The following FAM162A variants were observed in gnomAD, a reference collection of about 807,000 sequenced individuals.
FAM162A encodes the protein protein FAM162A.
FAM162A carries 23 observed loss-of-function variants against 21.8 expected under a neutral mutation model. That is an observed-to-expected ratio of 1.05 (90% CI 0.76 to 1.49). FAM162A has a LOEUF of 1.49. Among genes scored for constraint, FAM162A ranks in the 40% most tolerant of loss-of-function variants. The probability of loss-of-function intolerance (pLI) is 0.00; values close to 1 mark genes in which losing one functional copy is unlikely to be tolerated. For missense variants in FAM162A, 165 were observed against 186.4 expected, an observed-to-expected ratio of 0.89 and a Z score of 0.67; for synonymous variants, 53 against 61.3, an observed-to-expected ratio of 0.86 and a Z score of 0.64.
chr3:122,384,800 A>G (rs1392093133), intron 1 of FAM162A, among the ~76,000 whole-genome samples: 1 of 152,190 alleles, frequency 6.6e-6, no homozygotes, highest in Non-Finnish European at 1.5e-5. Context: ...GGTCTTAGAG[A>G]TTAATAATAA....
intron 1 of FAM162A, among the ~76,000 whole-genome samples, chr3:122,386,509 G>A (rs1005452055): frequency 1.4e-5 from 2 of 147,630 alleles, no homozygotes; most frequent in African/African-American, 5.0e-5. Flanking sequence ...GCTATAATAC[G>A]ATCATGCTAC....
chr3:122,405,920 G>A (rs1213161023), intron 3 of FAM162A, among the ~76,000 whole-genome samples: 5 of 151,990 alleles, frequency 3.3e-5, no homozygotes, highest in African/African-American at 1.2e-4. Flanking sequence ...AGTTGTCTTG[G>A]GTTCCTGCCA....
chr3:122,396,556 C>T (rs896432895), intron 1 of FAM162A, among the ~76,000 whole-genome samples: 1 of 152,086 alleles, frequency 6.6e-6, no homozygotes, highest in Non-Finnish European at 1.5e-5. Flanking sequence ...AATGTTACAG[C>T]CACTTGGAAA....
chr3:122,407,415 A>C (rs751970794), intron 4 of FAM162A, 26 bp downstream of exon 4: 15 of 1,547,342 alleles, frequency 9.7e-6, no homozygotes, highest in Middle Eastern at 1.7e-4. Flanking sequence ...TTCTCTATCC[A>C]GTATGTATGT....
At chr3:122,389,102 G>T (rs2075587757) in intron 1 of FAM162A, among the ~76,000 whole-genome samples, 1 of 152,100 alleles carries the variant, frequency 6.6e-6, no homozygotes, top group African/African-American at 2.4e-5. Flanking sequence ...AATGTTGGTA[G>T]AGTAATTTTA....
chr3:122,384,383 C>T (rs533913960), intron 1 of FAM162A, 84 bp downstream of exon 1: 1,105 of 1,463,644 alleles, frequency 7.5e-4, no homozygotes, highest in Non-Finnish European at 9.7e-4. Flanking sequence ...TCCTGGGCCC[C>T]GGAGTGGCTC....
At chr3:122,393,345 G>A (rs2075612469) in intron 1 of FAM162A, among the ~76,000 whole-genome samples, 1 of 136,310 alleles carries the variant, frequency 7.3e-6, no homozygotes, top group Admixed American at 7.1e-5. Flanking sequence ...AATCTGAGGA[G>A]CATTTATCCA....
At chr3:122,401,302 T>C (rs369013545) in intron 1 of FAM162A, 1 of 654,524 alleles carries the variant, frequency 1.5e-6, no homozygotes, top group African/African-American at 2.0e-5. Flanking sequence ...TCTTATTTTG[T>C]GTGCTTTTGT....
intron 1 of FAM162A, among the ~76,000 whole-genome samples, chr3:122,399,539 A>G (rs2075643843): frequency 6.6e-6 from 1 of 152,144 alleles, no homozygotes; most frequent in South Asian, 2.1e-4. Context: ...ATTGATGGAC[A>G]TTTAGGTTGA....
chr3:122,400,485 T>C (rs1003570236), intron 1 of FAM162A, among the ~76,000 whole-genome samples: 1 of 152,146 alleles, frequency 6.6e-6, no homozygotes, highest in African/African-American at 2.4e-5. Flanking sequence ...CAAACCTGCA[T>C]GTTCTGCACA....
rs1007302303 is a variant in FAM162A at position 122,411,781 on chromosome 3, C to G, written c.*1950C>G. ...TGTTGGCCAGGCTGGTCTCAAACTC[C>G]TGACCTCAGGTGATCAGCCTCCCTC... On this transcript the variant is annotated 3_prime_UTR_variant, in exon 5 of 5. Transcript: ENST00000477892. The G allele has an allele frequency of 2.0e-5, 3 of 152,216 alleles. No homozygotes were observed. The highest frequency in any genetic ancestry group is 7.2e-5 in the African/African-American group (3 of 41,448). The allele number at this position is 152,216 out of a possible 1,614,324, so 9.4% of individuals were successfully genotyped here.
At chr3:122,403,218 G>A (rs888922777) in intron 2 of FAM162A, among the ~76,000 whole-genome samples, 4 of 149,824 alleles carry the variant, frequency 2.7e-5, no homozygotes, top group East Asian at 2.0e-4. Context: ...ATCTTCCTAC[G>A]TCACACTTCT....
chr3:122,385,909 A>T (rs1313695274), intron 1 of FAM162A, among the ~76,000 whole-genome samples: 2 of 152,220 alleles, frequency 1.3e-5, no homozygotes, highest in Non-Finnish European at 2.9e-5. Flanking sequence ...TGGATTTCTC[A>T]TAGCAGCCCT....
chr3:122,411,321 G>A lies in FAM162A; in HGVS notation c.*1490G>A, dbSNP rs1038800012. ...TTAATTTGGCCTTAGCTTCTTTGTA[G>A]GTATCAAGTTATCACTTGCAAATTT... On this transcript the variant is annotated 3_prime_UTR_variant, in exon 5 of 5. Transcript: ENST00000477892. 2 of 152,244 alleles carry A rather than the reference G, an allele frequency of 1.3e-5. No individual in the cohort carries two copies. Among genetic ancestry groups the A allele is most frequent in the African/African-American group, 4.8e-5 (2 of 41,534 alleles). The allele number at this position is 152,244 out of a possible 1,614,324, so 9.4% of individuals were successfully genotyped here.
chr3:122,398,057 GAAC>G (rs1214457015), intron 1 of FAM162A, among the ~76,000 whole-genome samples: 1 of 151,910 alleles, frequency 6.6e-6, no homozygotes, highest in Non-Finnish European at 1.5e-5. Flanking sequence ...GGATTAAAAG[GAAC>G]AACTGAAACA....
intron 1 of FAM162A, among the ~76,000 whole-genome samples, chr3:122,401,165 T>G (rs568149028): frequency 3.3e-5 from 5 of 152,350 alleles, no homozygotes; most frequent in Admixed American, 2.6e-4. Flanking sequence ...TCATTTATTT[T>G]TTCTTATTAT....
At chr3:122,405,925 C>T (rs545199431) in intron 3 of FAM162A, among the ~76,000 whole-genome samples, 1 of 152,272 alleles carries the variant, frequency 6.6e-6, no homozygotes, top group South Asian at 2.1e-4. Context: ...TCTTGGGTTC[C>T]TGCCAGCCTG....
chr3:122,401,574 T>C, intron 1 of FAM162A: 1 of 1,240,682 alleles, frequency 8.1e-7, no homozygotes, highest in South Asian at 1.3e-5. Flanking sequence ...TTTTAAAAGC[T>C]CAGGTGATTA....
In FAM162A at chr3:122,389,950, C is replaced by T. The variant is rs151114714; in HGVS notation, c.34+5651C>T. Among the ~76,000 whole-genome samples the T allele has an allele frequency of 2.7e-3, 418 of 152,192 alleles. 2 individuals carry two copies. Among genetic ancestry groups the T allele is most frequent in the African/African-American group, 9.7e-3 (404 of 41,514 alleles). ...CAACTTGGTGGTACAAAGGTTTTTA[C>T]ATAGTGAGACCCGATCTCTACAAAA... is the stretch of plus-strand genomic sequence containing the variant. On this transcript the variant is annotated intron_variant, in intron 1 of 4. Coordinates refer to ENST00000477892, the MANE Select transcript of FAM162A (RefSeq NM_014367.4).
Sources: gnomAD v4.1 joint callset for allele counts (sites outside exome capture counted in the v4.1 genomes callset) on GRCh38, gnomAD v4.1.1 for gene constraint, MANE v1.5 for transcripts, NCBI Gene and HGNC (gene_info 2026-07-23, HGNC 2026-07-21) for gene names.